UTRN: variants seen among roughly 807,000 people sequenced by gnomAD.
UTRN encodes utrophin, also known as dystrophin-related protein 1.
UTRN carries 283 observed loss-of-function variants against 463.9 expected under a neutral mutation model. The ratio of observed to expected loss-of-function variants is 0.61; its 90% CI spans 0.55 to 0.67. UTRN has a LOEUF of 0.67. UTRN is among the 30% of genes least tolerant of loss of function. The pLI is 0.00. For missense variants in UTRN, 3,922 were observed against 4,084.3 expected (o/e 0.96, Z 1.08); for synonymous variants, 1,442 against 1,431.5 (o/e 1.01, Z -0.17).
intron 51 of UTRN, among the ~76,000 whole-genome samples, chr6:144,637,263 C>G (rs1777278068): frequency 6.6e-6 from 1 of 152,194 alleles, no homozygotes; most frequent in Admixed American, 6.5e-5. Context: ...AGCCACTGCG[C>G]CCAGCCAAGT....
chr6:144,841,135 C>T (rs949110949), intron 73 of UTRN, among the ~76,000 whole-genome samples: 3 of 152,116 alleles, frequency 2.0e-5, no homozygotes, highest in East Asian at 1.9e-4. Context: ...TTATCCTCTT[C>T]GATGCAAGCT....
intron 51 of UTRN, among the ~76,000 whole-genome samples, chr6:144,594,362 T>G (rs895926604): frequency 8.5e-5 from 13 of 152,190 alleles, no homozygotes; most frequent in African/African-American, 2.4e-4. Flanking sequence ...CTACATCTTA[T>G]GTGCATTTAT....
chr6:144,383,798 C>A (rs1485205585), intron 2 of UTRN, among the ~76,000 whole-genome samples: 1 of 152,132 alleles, frequency 6.6e-6, no homozygotes, highest in Non-Finnish European at 1.5e-5. Flanking sequence ...ATCTTAAATA[C>A]CATGTCTAGA....
intron 60 of UTRN, among the ~76,000 whole-genome samples, chr6:144,777,303 C>T (rs1775413867): frequency 6.6e-6 from 1 of 151,990 alleles, no homozygotes; most frequent in African/African-American, 2.4e-5. Flanking sequence ...AGCTAGTAAT[C>T]AGCATCAACA....
At position 144,411,941 on chromosome 6, in the gene UTRN, AT is replaced by A. The variant is rs562566994; in HGVS notation, c.141+8761del. Among the ~76,000 whole-genome samples the A allele has an allele frequency of 1.8e-3, 271 of 151,948 alleles. 1 individual carries two copies. Among genetic ancestry groups the A allele is most frequent in the Non-Finnish European group, 2.8e-4 (19 of 67,982 alleles). On this transcript the variant is annotated intron_variant, in intron 3 of 74. Coordinates refer to ENST00000367545, the MANE Select transcript of UTRN (RefSeq NM_007124.3). ...CTAATTGTTTAAGTGACTGGAGCACATTTTGCTGGTTTTCTGTTGTCGAGGT... is the reference window on the plus strand; with the variant it reads ...CTAATTGTTTAAGTGACTGGAGCACATTTGCTGGTTTTCTGTTGTCGAGGT...
At chr6:144,344,435 G>A in intron 2 of UTRN, 2 of 1,085,212 alleles carry the variant, frequency 1.8e-6, no homozygotes, top group Admixed American at 2.9e-5. Flanking sequence ...GGAACAGACA[G>A]CCTGTCTTTC....
At chr6:144,451,052 C>T (rs1365099632) in intron 17 of UTRN, among the ~76,000 whole-genome samples, 1 of 152,136 alleles carries the variant, frequency 6.6e-6, no homozygotes, top group Non-Finnish European at 1.5e-5. Flanking sequence ...GCGGAGGTTG[C>T]AGTGAGCCGA....
At chr6:144,831,449 T>G (rs558455533) in intron 69 of UTRN, among the ~76,000 whole-genome samples, 20 of 152,024 alleles carry the variant, frequency 1.3e-4, no homozygotes, top group Non-Finnish European at 2.4e-4. Flanking sequence ...GACCTCAAGG[T>G]GCTAGATGAT....
At chr6:144,521,705 C>G (rs1020985101) in intron 39 of UTRN, among the ~76,000 whole-genome samples, 5 of 151,958 alleles carry the variant, frequency 3.3e-5, no homozygotes, top group Non-Finnish European at 7.4e-5. Flanking sequence ...TTTTTGTTTG[C>G]TAACTGAGTT....
At position 144,664,667 on chromosome 6, in the gene UTRN, T is replaced by A. The variant is rs372080652; in HGVS notation, c.7480-13739T>A. 2.5e-4 allele frequency among the ~76,000 whole-genome samples: 38 copies of A among 151,960 alleles called. No homozygotes were observed. The East Asian group carries it at 6.8e-3, about 27-fold the overall frequency. On this transcript the variant is annotated intron_variant, in intron 51 of 74. Transcript: ENST00000367545. The stretch of plus-strand genomic sequence containing the variant: ...CTGATGATACCACCTCTATTGTCAG[T>A]CAAAAATGTGATTCAATAGAGTGAT...
At chr6:144,603,848 T>A (rs1401468987) in intron 51 of UTRN, among the ~76,000 whole-genome samples, 1 of 152,208 alleles carries the variant, frequency 6.6e-6, no homozygotes, top group Non-Finnish European at 1.5e-5. Context: ...GGGAATTTAC[T>A]TTTATATTTT....
intron 48 of UTRN, among the ~76,000 whole-genome samples, chr6:144,552,223 G>C (rs550207574): frequency 9.5e-4 from 145 of 152,314 alleles, no homozygotes; most frequent in Non-Finnish European, 1.6e-3. Flanking sequence ...TTTCAAAATA[G>C]TCATGGTAGC....
rs1022451492 is a variant in UTRN at position 144,542,593 on chromosome 6, G to A, written c.6520-202G>A. Among the ~76,000 whole-genome samples, 4 of 152,194 alleles carry A rather than the reference G, an allele frequency of 2.6e-5. No homozygotes were observed. In the East Asian group the frequency reaches 7.7e-4, roughly 29 times the overall value. On this transcript the variant is annotated intron_variant, in intron 45 of 74. Transcript: ENST00000367545. ...CAGGGGTCAGGACAGCTAAGGACTG[G>A]TTGGTGTTTTTGATAGCAATGTCAG...
chr6:144,384,073 A>C (rs1781181489), intron 2 of UTRN, among the ~76,000 whole-genome samples: 1 of 152,248 alleles, frequency 6.6e-6, no homozygotes, highest in Non-Finnish European at 1.5e-5. Flanking sequence ...AGTAAAATAC[A>C]GATAACATAA....
intron 36 of UTRN, 152 bp downstream of exon 36, chr6:144,514,189 A>G: frequency 1.7e-6 from 2 of 1,187,078 alleles, no homozygotes; most frequent in East Asian, 2.4e-5. Flanking sequence ...TGAGACAATA[A>G]GAGACAAAAT....
intron 9 of UTRN, among the ~76,000 whole-genome samples, chr6:144,432,678 CTT>C (rs368744975): frequency 6.8e-4 from 96 of 140,334 alleles, no homozygotes; most frequent in African/African-American, 2.4e-3. Flanking sequence ...TGAGATAAGT[CTT>C]TTTTTTTTTT....
intron 54 of UTRN, 126 bp from the exon 55 acceptor site, chr6:144,748,120 A>G: frequency 6.5e-6 from 8 of 1,234,406 alleles, no homozygotes; most frequent in Non-Finnish European, 8.7e-6. Context: ...GACAATTTTT[A>G]CCCTGGAGTA....
chr6:144,797,775 T>C lies in UTRN; in HGVS notation c.9079-49T>C, dbSNP rs543780565. Reference sequence around the variant, plus strand: ...TATGAAGCAACAACACTAGCTACAGTTTAAATGAAGGCATTTCTTCACTTT... The same window carrying C: ...TATGAAGCAACAACACTAGCTACAGCTTAAATGAAGGCATTTCTTCACTTT... On this transcript the variant is annotated intron_variant, in intron 63 of 74. Coordinates refer to ENST00000367545, the MANE Select transcript of UTRN (RefSeq NM_007124.3). 1.3e-5 allele frequency: 21 copies of C among 1,585,850 alleles called. No individual in the cohort carries two copies. The African/African-American group carries it at 2.0e-4, about 15-fold the overall frequency.
chr6:144,852,694 G>A lies in UTRN; in HGVS notation c.*1697G>A. ...TTTTATCAGGCCATGTCATACCCAA[G>A]AAAGCACCTATTTAAAGAAAAAACA... On this transcript the variant is annotated 3_prime_UTR_variant, in exon 75 of 75. Coordinates refer to ENST00000367545, the MANE Select transcript of UTRN (RefSeq NM_007124.3). The A allele has an allele frequency of 6.6e-6, 1 of 152,566 alleles. No homozygotes were observed. Among genetic ancestry groups the A allele is most frequent in the East Asian group, 1.9e-4 (1 of 5,196 alleles). The allele number at this position is 152,566 out of a possible 1,614,324, so 9.5% of individuals were successfully genotyped here.
Sources: gnomAD v4.1 joint callset for allele counts (sites outside exome capture counted in the v4.1 genomes callset) on GRCh38, gnomAD v4.1.1 for gene constraint, MANE v1.5 for transcripts, NCBI Gene and HGNC (gene_info 2026-07-23, HGNC 2026-07-21) for gene names.